SAMD12: variants seen among roughly 807,000 people sequenced by gnomAD.
The protein encoded by SAMD12 is sterile alpha motif domain-containing protein 12.
A neutral mutation model predicts 15.0 loss-of-function variants in SAMD12; 9 were observed. That is an observed-to-expected ratio of 0.60 (90% CI 0.36 to 1.05). The LOEUF (loss-of-function observed/expected upper bound fraction) is 1.05. Among genes scored for constraint, SAMD12 ranks in the 50% least tolerant of loss-of-function variants. The pLI is 0.01. For missense variants in SAMD12, 230 were observed against 234.2 expected, an observed-to-expected ratio of 0.98 and a Z score of 0.12; for synonymous variants, 86 against 90.1, an observed-to-expected ratio of 0.96 and a Z score of 0.25.
chr8:118,547,132 T>C (rs901402712), intron 2 of SAMD12, among the ~76,000 whole-genome samples: 2 of 152,168 alleles, frequency 1.3e-5, no homozygotes, highest in East Asian at 3.8e-4. Context: ...AACCTGTGAA[T>C]ACTGAAAGAT....
chr8:118,141,262 A>C, the SAMD12 span, among the ~76,000 whole-genome samples: 1 of 152,248 alleles, frequency 6.6e-6, no homozygotes, highest in Non-Finnish European at 1.5e-5. Flanking sequence ...GTACTAACTA[A>C]TTTGAGACTG....
intron 3 of SAMD12, among the ~76,000 whole-genome samples, chr8:118,433,439 A>G (rs560191518): frequency 3.8e-4 from 57 of 148,888 alleles, no homozygotes; most frequent in African/African-American, 1.4e-3. Context: ...AATTGATCCC[A>G]TAAATCCTTG....
intron 4 of SAMD12, among the ~76,000 whole-genome samples, chr8:118,312,461 T>C (rs1815679213): frequency 6.6e-6 from 1 of 152,194 alleles, no homozygotes; most frequent in African/African-American, 2.4e-5. Flanking sequence ...CTCATGAATA[T>C]TTACAGGGCC....
At chr8:118,245,768 T>C (rs1242650816) in intron 4 of SAMD12, among the ~76,000 whole-genome samples, 1 of 152,176 alleles carries the variant, frequency 6.6e-6, no homozygotes, top group East Asian at 1.9e-4. Context: ...GCTTCTTGCA[T>C]TTATCACAGA....
At position 118,449,718 on chromosome 8, in the gene SAMD12, G is replaced by A. The variant is rs371676193; in HGVS notation, c.193-9757C>T. ...CGGGAAGCTGAGGCAGGAGAATGGCGTGAACCCGGGAGGCAGAGCTTGCAG... is the reference window on the plus strand; with the variant it reads ...CGGGAAGCTGAGGCAGGAGAATGGCATGAACCCGGGAGGCAGAGCTTGCAG... On this transcript the variant is annotated intron_variant, in intron 2 of 3. Coordinates refer to ENST00000314727, the MANE Select transcript of SAMD12 (RefSeq NM_207506.3). Among the ~76,000 whole-genome samples the A allele has an allele frequency of 6.9e-4, 102 of 148,402 alleles. No individual in the cohort carries two copies. The East Asian group carries it at 0.018, about 25-fold the overall frequency.
intron 2 of SAMD12, among the ~76,000 whole-genome samples, chr8:118,572,092 A>G (rs1827027073): frequency 6.6e-6 from 1 of 152,236 alleles, no homozygotes; most frequent in Non-Finnish European, 1.5e-5. Flanking sequence ...CTCTTGCATC[A>G]GCGTGACCTG....
At chr8:118,236,378 T>C (rs557959118) in intron 4 of SAMD12, among the ~76,000 whole-genome samples, 1 of 152,222 alleles carries the variant, frequency 6.6e-6, no homozygotes, top group East Asian at 1.9e-4. Context: ...ACAGCCCAAA[T>C]AGTAGCACTT....
intron 4 of SAMD12, among the ~76,000 whole-genome samples, chr8:118,307,502 T>A (rs532258553): frequency 1.3e-5 from 2 of 152,314 alleles, no homozygotes; most frequent in South Asian, 4.1e-4. Flanking sequence ...AGAGCTGTCA[T>A]CAGCTGGGGG....
the SAMD12 span, among the ~76,000 whole-genome samples, chr8:118,169,672 A>G: frequency 6.6e-6 from 1 of 152,222 alleles, no homozygotes; most frequent in Admixed American, 6.5e-5. Flanking sequence ...ACCTATGGAT[A>G]GTTCTAGAGA....
At chr8:118,156,766 A>G in the SAMD12 span, among the ~76,000 whole-genome samples, 1 of 152,236 alleles carries the variant, frequency 6.6e-6, no homozygotes. Context: ...TTGGAGGAAT[A>G]TATACAAAAT....
intron 4 of SAMD12, among the ~76,000 whole-genome samples, chr8:118,198,951 G>C (rs1819638275): frequency 6.6e-6 from 1 of 152,096 alleles, no homozygotes; most frequent in Non-Finnish European, 1.5e-5. Context: ...ATTTATCATA[G>C]AGGAAAAATT....
the SAMD12 span, among the ~76,000 whole-genome samples, chr8:118,172,498 T>C: frequency 3.2e-4 from 49 of 152,314 alleles, no homozygotes; most frequent in East Asian, 9.6e-4. Flanking sequence ...TTGGAGACCA[T>C]TGGAAATTTG....
intron 4 of SAMD12, among the ~76,000 whole-genome samples, chr8:118,274,735 A>T (rs990965735): frequency 6.6e-6 from 1 of 152,196 alleles, no homozygotes; most frequent in Non-Finnish European, 1.5e-5. Flanking sequence ...GTATTCTGTG[A>T]TTAGCTTTCT....
intron 2 of SAMD12, among the ~76,000 whole-genome samples, chr8:118,476,789 C>A (rs1823971069): frequency 6.6e-6 from 1 of 152,144 alleles, no homozygotes; most frequent in Non-Finnish European, 1.5e-5. Context: ...ATTCTGGCAG[C>A]CTGAATATCA....
In SAMD12 at chr8:118,379,654, C is replaced by A. The variant is rs1563811461; in HGVS notation, c.369G>T (p.Gly123=). 6.2e-7 allele frequency: 1 copy of A among 1,613,834 alleles called. No individual in the cohort carries two copies. Among genetic ancestry groups the A allele is most frequent in the South Asian group, 1.1e-5 (1 of 91,076 alleles). The stretch of plus-strand genomic sequence containing the variant: ...GCTGCCGGAGGTTCTCCTGGGCAAT[C>A]CCCATTCGCTCGAGCTTTTTGTCAG... ...RLTDKKLERM[G]IAQENLRQHI... is the part of the protein sequence containing the mutation. The change falls in exon 4 of 4, where the codon GGG becomes GGT. Residue 123 remains glycine (G), a synonymous_variant. Coordinates refer to ENST00000314727, the MANE Select transcript of SAMD12 (RefSeq NM_207506.3).
intron 2 of SAMD12, among the ~76,000 whole-genome samples, chr8:118,495,408 T>C (rs1824581076): frequency 6.6e-6 from 1 of 152,202 alleles, no homozygotes; most frequent in African/African-American, 2.4e-5. Flanking sequence ...AAACATCTCT[T>C]TTCTTCCAAG....
intron 2 of SAMD12, among the ~76,000 whole-genome samples, chr8:118,566,264 G>A (rs1301674709): frequency 1.3e-5 from 2 of 152,012 alleles, no homozygotes; most frequent in African/African-American, 4.8e-5. Context: ...CCATCTTCCC[G>A]CACAGCTGCT....
intron 4 of SAMD12, among the ~76,000 whole-genome samples, chr8:118,322,441 G>A (rs1252957354): frequency 1.3e-5 from 2 of 152,330 alleles, no homozygotes; most frequent in Non-Finnish European, 2.9e-5. Context: ...ATGCCTGTGG[G>A]CAGTTCATCA....
At chr8:118,522,179 T>TACACACAC in intron 2 of SAMD12, among the ~76,000 whole-genome samples, 1 of 25,950 alleles carries the variant, frequency 3.9e-5, no homozygotes, top group South Asian at 1.6e-3. Context: ...CACACACACA[T>TACACACAC]ACACACACAC....
Sources: allele counts gnomAD v4.1 joint callset (sites outside exome capture counted in the v4.1 genomes callset), GRCh38; gene constraint gnomAD v4.1.1; transcripts MANE v1.5; gene names NCBI Gene and HGNC (gene_info 2026-07-23, HGNC 2026-07-21).